The following PGS1 variants were observed in gnomAD, a reference collection of about 807,000 sequenced individuals.
PGS1 encodes the protein phosphatidylglycerophosphate synthase 1.
Under a neutral mutation model 58.3 loss-of-function variants are expected in PGS1, and 44 were observed. The ratio of observed to expected loss-of-function variants is 0.75; its 90% confidence interval spans 0.59 to 0.97. The LOEUF is 0.97. Among genes scored for constraint, PGS1 ranks in the 50% least tolerant of loss-of-function variants. PGS1 has a pLI of 0.00. For synonymous variants in PGS1, 330 were observed against 311.0 expected, an observed-to-expected ratio of 1.06 and a Z score of -0.64; for missense variants, 684 against 731.1, an observed-to-expected ratio of 0.94 and a Z score of 0.74.
At chr17:78,381,661 T>C (rs1265194647) in intron 1 of PGS1, among the ~76,000 whole-genome samples, 3 of 152,212 alleles carry the variant, frequency 2.0e-5, no homozygotes, top group African/African-American at 7.2e-5. Context: ...AGTCATGAGC[T>C]TGAATTATTT....
Position 78,379,065 on chromosome 17 carries a change from T to G in PGS1, c.143+257T>G, listed in dbSNP as rs150028972. ...CCTCCTGCGCAGCCCGGCCAGTCCT[T>G]GCTCCCCGTCTACACCGTGCTTGTT... On this transcript the variant is annotated intron_variant, in intron 1 of 9. Coordinates refer to ENST00000262764, the MANE Select transcript of PGS1 (RefSeq NM_024419.5). Among the ~76,000 whole-genome samples the G allele has an allele frequency of 5.1e-3, 779 of 152,294 alleles. 3 individuals carry two copies. The highest frequency in any genetic ancestry group is 8.2e-3 in the Non-Finnish European group (558 of 68,010).
In PGS1 at chr17:78,398,324, C is replaced by G. The variant is rs1454688496; in HGVS notation, c.484C>G (p.Leu162Val). Reference protein sequence around the residue: ...KFPSNLKVSILLDFTRGSRGR... With the variant: ...KFPSNLKVSIVLDFTRGSRGR... ...TCCTTCAAATCTCAAGGTCTCCATT[C>G]TCTTAGACTTCACGCGGGGCTCACG... The change falls in exon 4 of 10, where the codon CTC (leucine) becomes GTC (valine). Residue 162 changes from leucine (L) to valine (V), a missense_variant. Transcript: ENST00000262764. 7 of 1,613,926 alleles carry G rather than the reference C, an allele frequency of 4.3e-6. No homozygotes were observed. The highest frequency in any genetic ancestry group is 5.9e-6 in the Non-Finnish European group (7 of 1,179,792).
chr17:78,406,437 C>A (rs889836402), intron 7 of PGS1, among the ~76,000 whole-genome samples: 2 of 152,252 alleles, frequency 1.3e-5, no homozygotes, highest in Admixed American at 1.3e-4. Flanking sequence ...CCTAGCCTAG[C>A]CTTAAGAACC....
chr17:78,381,261 C>T (rs1399769926), intron 1 of PGS1, among the ~76,000 whole-genome samples: 1 of 152,122 alleles, frequency 6.6e-6, no homozygotes, highest in African/African-American at 2.4e-5. Context: ...GTGCCTTCAT[C>T]CTTCATTAAG....
chr17:78,423,325 TTCTTCTA>T (rs1176486465), intron 9 of PGS1, among the ~76,000 whole-genome samples: 2 of 152,134 alleles, frequency 1.3e-5, no homozygotes, highest in African/African-American at 4.8e-5. Flanking sequence ...GAACGGCTTG[TTCTTCTA>T]GACTCTGGGG....
chr17:78,422,940 A>AAAAAAATTAGCTGCGTGTGGTGGT (rs1303164297), intron 9 of PGS1, among the ~76,000 whole-genome samples: 9 of 151,978 alleles, frequency 5.9e-5, no homozygotes, highest in Non-Finnish European at 8.8e-5. Flanking sequence ...TACTAAAAAT[A>AAAAAAATTAGCTGCGTGTGGTGGT]AAAAAATTAG....
chr17:78,403,499 C>A (rs981918139), intron 6 of PGS1, 69 bp from the exon 7 acceptor site: 9 of 1,496,526 alleles, frequency 6.0e-6, no homozygotes, highest in African/African-American at 1.4e-5. Context: ...CATGCCCTGT[C>A]CCCTGAGCTG....
intron 8 of PGS1, among the ~76,000 whole-genome samples, chr17:78,415,410 C>T (rs986433000): frequency 6.6e-6 from 1 of 152,152 alleles, no homozygotes; most frequent in Admixed American, 6.5e-5. Flanking sequence ...GCAGGTGGGT[C>T]GCCTGAGGTC....
At chr17:78,405,626 G>A (rs2084067808) in intron 7 of PGS1, among the ~76,000 whole-genome samples, 1 of 152,202 alleles carries the variant, frequency 6.6e-6, no homozygotes, top group South Asian at 2.1e-4. Flanking sequence ...TGGGCTTACT[G>A]CATGGCCTCT....
At chr17:78,392,386 C>G in intron 1 of PGS1, 90 bp from the exon 2 acceptor site, 1 of 869,660 alleles carries the variant, frequency 1.1e-6, no homozygotes, top group East Asian at 2.7e-5. Flanking sequence ...ATCTCCCAGC[C>G]CCTCTTCACT....
chr17:78,393,617 A>G (rs894659498), intron 2 of PGS1, among the ~76,000 whole-genome samples: 1 of 152,194 alleles, frequency 6.6e-6, no homozygotes, highest in African/African-American at 2.4e-5. Context: ...TTTGATATGC[A>G]TGAAGAGGCC....
intron 8 of PGS1, among the ~76,000 whole-genome samples, chr17:78,415,651 A>T (rs1000714657): frequency 6.6e-6 from 1 of 152,230 alleles, no homozygotes; most frequent in Non-Finnish European, 1.5e-5. Context: ...AAAGGGTTCA[A>T]CAGTGGTTTC....
At chr17:78,406,769 G>T (rs2084184267) in intron 7 of PGS1, among the ~76,000 whole-genome samples, 1 of 151,906 alleles carries the variant, frequency 6.6e-6, no homozygotes, top group Non-Finnish European at 1.5e-5. Context: ...GGAGGCCTCA[G>T]ACCCACACTG....
intron 7 of PGS1, among the ~76,000 whole-genome samples, chr17:78,413,862 A>T (rs1454165818): frequency 6.6e-6 from 1 of 152,226 alleles, no homozygotes; most frequent in Non-Finnish European, 1.5e-5. Flanking sequence ...ACACGTCAGT[A>T]TTCTGAGGAC....
intron 9 of PGS1, among the ~76,000 whole-genome samples, chr17:78,422,385 G>A (rs1403103933): frequency 2.1e-5 from 3 of 145,464 alleles, no homozygotes; most frequent in Non-Finnish European, 3.1e-5. Context: ...CTCAGAATTT[G>A]GACTTTCTAG....
intron 9 of PGS1, among the ~76,000 whole-genome samples, chr17:78,423,290 C>T (rs2086100973): frequency 6.6e-6 from 1 of 152,142 alleles, no homozygotes; most frequent in Non-Finnish European, 1.5e-5. Flanking sequence ...CCACAGAGTC[C>T]TACAGGTCCG....
intron 9 of PGS1, among the ~76,000 whole-genome samples, chr17:78,423,357 G>GTGT (rs1273564607): frequency 6.6e-6 from 1 of 152,192 alleles, no homozygotes; most frequent in East Asian, 1.9e-4. Flanking sequence ...GGGCTTGGGT[G>GTGT]TGTTTCCTTA....
intron 8 of PGS1, among the ~76,000 whole-genome samples, chr17:78,415,396 C>T (rs527718776): frequency 2.0e-5 from 3 of 152,026 alleles, no homozygotes; most frequent in African/African-American, 7.3e-5. Flanking sequence ...TTTGGGAGGT[C>T]GAGGCAGGTG....
Position 78,415,019 on chromosome 17 carries a change from C to A in PGS1, c.1543C>A (p.Leu515Ile). The change falls in exon 8 of 10, where the codon CTT becomes ATT. Residue 515 changes from leucine (L) to isoleucine (I), a missense_variant. Physicochemically the swap from Leu to Ile is conservative, Grantham distance 5. Transcript: ENST00000262764. ...GGAGAACCAGGCCCTGCAGCAGCAG[C>A]TTCACCAGGTTGGTCGCAGCAAGTG... is the stretch of plus-strand genomic sequence containing the variant. ...VTENQALQQQ[L>I]HQEQEQLYLR... 6.2e-7 allele frequency: 1 copy of A among 1,612,878 alleles called. No homozygotes were observed. The highest frequency in any genetic ancestry group is 2.2e-5 in the East Asian group (1 of 44,862).
Sources: allele counts gnomAD v4.1 joint callset (sites outside exome capture counted in the v4.1 genomes callset), GRCh38; gene constraint gnomAD v4.1.1; transcripts MANE v1.5; gene names NCBI Gene and HGNC (gene_info 2026-07-23, HGNC 2026-07-21).